Variants in CNBD2 observed in about 807,000 individuals in gnomAD.
CNBD2 encodes cyclic nucleotide binding domain containing 2.
A neutral mutation model predicts 63.7 loss-of-function variants in CNBD2; 64 were observed. The ratio of observed to expected loss-of-function variants is 1.00; its 90% CI spans 0.82 to 1.24. CNBD2 has a LOEUF of 1.24. CNBD2 is among the 50% of genes most tolerant of loss of function. The pLI, the probability that CNBD2 is intolerant of heterozygous loss-of-function variation, is 0.00. For missense variants in CNBD2, 691 were observed against 713.5 expected (o/e 0.97, Z 0.36); for synonymous variants, 229 against 255.4 (o/e 0.90, Z 0.99).
chr20:35,975,208 A>C (rs1241686485), intron 2 of CNBD2, among the ~76,000 whole-genome samples: 1 of 135,140 alleles, frequency 7.4e-6, no homozygotes, highest in Admixed American at 7.3e-5. Context: ...TCACCTTGTT[A>C]GCCAGGATGG....
intron 3 of CNBD2, among the ~76,000 whole-genome samples, chr20:35,977,851 C>A (rs2056542482): frequency 1.3e-5 from 2 of 152,138 alleles, no homozygotes; most frequent in Admixed American, 6.5e-5. Context: ...ATTTCCAGGG[C>A]ATGTGAATTA....
intron 3 of CNBD2, 83 bp from the exon 4 acceptor site, chr20:35,980,376 C>A (rs2147231353): frequency 7.7e-7 from 1 of 1,296,262 alleles, no homozygotes; most frequent in Non-Finnish European, 1.1e-6. Context: ...GGAGAGTGTA[C>A]AAGCAGGACT....
At chr20:35,990,599 G>T (rs1348732075) in intron 7 of CNBD2, among the ~76,000 whole-genome samples, 2 of 152,090 alleles carry the variant, frequency 1.3e-5, no homozygotes, top group East Asian at 1.9e-4. Flanking sequence ...CTGCACTCCA[G>T]CCTGGGCAAC....
At chr20:35,992,525 G>A (rs2056760899) in intron 7 of CNBD2, among the ~76,000 whole-genome samples, 1 of 152,182 alleles carries the variant, frequency 6.6e-6, no homozygotes, top group Admixed American at 6.5e-5. Context: ...TAATGCAGGG[G>A]TGCTGAGCCT....
intron 4 of CNBD2, among the ~76,000 whole-genome samples, chr20:35,981,853 G>T (rs1021205409): frequency 1.3e-5 from 2 of 152,194 alleles, no homozygotes; most frequent in African/African-American, 4.8e-5. Context: ...GTGGTCCTCT[G>T]TCTGTCCTCT....
chr20:35,997,306 A>G (rs1224523214), intron 8 of CNBD2, among the ~76,000 whole-genome samples: 2 of 152,136 alleles, frequency 1.3e-5, no homozygotes, highest in Non-Finnish European at 2.9e-5. Flanking sequence ...ATTGCCTTAT[A>G]GATATAGCAG....
At chr20:35,996,873 A>G (rs1244819527) in intron 8 of CNBD2, among the ~76,000 whole-genome samples, 1 of 152,178 alleles carries the variant, frequency 6.6e-6, no homozygotes. Context: ...CATAGGGCAA[A>G]TAAGTAGCAA....
chr20:35,998,302 A>C (rs1395203502), intron 8 of CNBD2, among the ~76,000 whole-genome samples: 14 of 151,760 alleles, frequency 9.2e-5, no homozygotes, highest in Admixed American at 8.5e-4. Flanking sequence ...CGGCCTCCCA[A>C]AGTGCTGGGA....
Position 35,972,496 on chromosome 20 carries a change from A to G in CNBD2, c.52-133A>G, listed in dbSNP as rs552388325. The G allele has an allele frequency of 2.3e-5, 18 of 791,762 alleles. No homozygotes were observed. In the South Asian group the frequency reaches 3.5e-4, roughly 15 times the overall value. The allele number at this position is 791,762 out of a possible 1,614,324, so 49.0% of individuals were successfully genotyped here. On this transcript the variant is annotated intron_variant, in intron 1 of 11. Coordinates refer to ENST00000373973, the MANE Select transcript of CNBD2 (RefSeq NM_001365709.1). The stretch of plus-strand genomic sequence containing the variant: ...TTGCAAAATTCCTGAAAATGTAACC[A>G]TCACTCCAGCACACTACAGCACACT...
At chr20:36,029,966 A>C (rs2057324908) in intron 11 of CNBD2, among the ~76,000 whole-genome samples, 1 of 152,194 alleles carries the variant, frequency 6.6e-6, no homozygotes. Flanking sequence ...CCTGTGCTGG[A>C]CATCTCACGT....
chr20:36,001,152 C>T (rs1002978133), intron 8 of CNBD2, among the ~76,000 whole-genome samples: 6 of 152,022 alleles, frequency 3.9e-5, no homozygotes, highest in African/African-American at 7.2e-5. Flanking sequence ...TACACAGACA[C>T]GGCAACCATC....
At chr20:35,964,917 G>T (rs2056333983), upstream of CNBD2, among the ~76,000 whole-genome samples, 2 of 151,994 alleles carry the variant, frequency 1.3e-5, no homozygotes, top group African/African-American at 4.8e-5. Flanking sequence ...TGGCCAGGAT[G>T]ATCTCAATCT....
At position 36,011,252 on chromosome 20, in the gene CNBD2, A is replaced by G; in HGVS notation, c.1264A>G (p.Ile422Val). The G allele has an allele frequency of 1.3e-6, 2 of 1,555,038 alleles. No homozygotes were observed. The highest frequency in any genetic ancestry group is 1.7e-6 in the Non-Finnish European group (2 of 1,149,108). ...GGTGCACACTGTGGAGCAGGGAGAA[A>G]TTTTGGTGAGTGTGCCAAGAGCTCT... ...VKVHTVEQGEILGLHQAFLPE... is the reference protein window; with the variant it reads ...VKVHTVEQGEVLGLHQAFLPE... The change falls in exon 10 of 12, where the codon ATT becomes GTT. Residue 422 changes from isoleucine to valine, a missense_variant. Transcript: ENST00000373973.
At chr20:35,994,903 A>G in intron 7 of CNBD2, 135 bp from the exon 8 acceptor site, 1 of 596,242 alleles carries the variant, frequency 1.7e-6, no homozygotes, top group Non-Finnish European at 3.0e-6. Flanking sequence ...AAAAGAAAAA[A>G]GAACCTGAAA....
In CNBD2 at chr20:36,030,524, G is replaced by A. The variant is rs2057332268; in HGVS notation, c.1607G>A (p.Ser536Asn). 2 of 1,614,164 alleles carry A rather than the reference G, an allele frequency of 1.2e-6. No homozygotes were observed. Among genetic ancestry groups the A allele is most frequent in the Non-Finnish European group, 1.7e-6 (2 of 1,180,032 alleles). Residue 536 changes from serine to asparagine, a missense_variant, in exon 12 of 12, where the codon AGC becomes AAC. Ser to Asn is a conservative substitution (Grantham distance 46). Coordinates refer to ENST00000373973, the MANE Select transcript of CNBD2 (RefSeq NM_001365709.1). ...AAGTCTGTGGTCCTGGATTTGTGCA[G>A]CATCAACAAGACGACTAAACCTCGT... ...NPKSVVLDLC[S>N]INKTTKPRYP...
chr20:36,014,335 CTTT>C (rs1226486585), intron 10 of CNBD2, among the ~76,000 whole-genome samples: 1 of 142,798 alleles, frequency 7.0e-6, no homozygotes, highest in Non-Finnish European at 1.5e-5. Context: ...TTCTTTCTTT[CTTT>C]TTTTTTTTTT....
At chr20:36,008,830 T>A (rs985378311) in intron 9 of CNBD2, among the ~76,000 whole-genome samples, 2 of 152,132 alleles carry the variant, frequency 1.3e-5, no homozygotes, top group Middle Eastern at 6.8e-3. Context: ...ATTCTGTCCA[T>A]CTAAGGAAGG....
intron 2 of CNBD2, among the ~76,000 whole-genome samples, chr20:35,960,928 G>T (rs866340682): frequency 7.7e-6 from 1 of 130,468 alleles, no homozygotes; most frequent in African/African-American, 3.0e-5. Flanking sequence ...TTGCTCTGTC[G>T]CCACCCCCCT....
At chr20:35,971,290 G>A (rs775215917) in intron 1 of CNBD2, among the ~76,000 whole-genome samples, 119 of 152,238 alleles carry the variant, frequency 7.8e-4, no homozygotes, top group Non-Finnish European at 1.3e-3. Flanking sequence ...TTGTTTGAAA[G>A]TAAGCTGCAT....
Sources: allele counts gnomAD v4.1 joint callset (sites outside exome capture counted in the v4.1 genomes callset), GRCh38; gene constraint gnomAD v4.1.1; transcripts MANE v1.5; gene names NCBI Gene and HGNC (gene_info 2026-07-23, HGNC 2026-07-21).